Variants in IMMP2L observed in about 807,000 individuals in gnomAD.
The protein encoded by IMMP2L is inner mitochondrial membrane peptidase subunit 2.
IMMP2L carries 18 observed loss-of-function variants against 19.3 expected under a neutral mutation model. The ratio of observed to expected loss-of-function variants is 0.93; its 90% CI spans 0.64 to 1.38. The LOEUF (loss-of-function observed/expected upper bound fraction) is 1.38. Ranked by LOEUF, IMMP2L falls within the 40% of genes most tolerant of loss-of-function variation. The probability of loss-of-function intolerance (pLI) is 0.00; values close to 1 mark genes in which losing one functional copy is unlikely to be tolerated. For synonymous variants in IMMP2L, 76 were observed against 73.0 expected (o/e 1.04, Z -0.21); for missense variants, 233 against 218.2 (o/e 1.07, Z -0.43).
rs552653605 is a variant in IMMP2L, at chr7:110,997,360, A to G, written c.240-33795T>C. Among the ~76,000 whole-genome samples, 3 of 152,194 alleles carry G rather than the reference A, an allele frequency of 2.0e-5. No individual in the cohort carries two copies. The East Asian group carries it at 5.8e-4, about 29-fold the overall frequency. ...ACACATAAAGATGCTGTAGACATCA[A>G]TATTCAGATGTTTGTATCAATGTAA... is the stretch of plus-strand genomic sequence containing the variant. On this transcript the variant is annotated intron_variant, in intron 3 of 5. Coordinates refer to ENST00000405709, the MANE Select transcript of IMMP2L (RefSeq NM_032549.4).
At chr7:111,223,858 T>C (rs537987702) in intron 3 of IMMP2L, among the ~76,000 whole-genome samples, 1 of 152,158 alleles carries the variant, frequency 6.6e-6, no homozygotes, top group Admixed American at 6.6e-5. Context: ...TATGTGTAGC[T>C]TCCATTTCTT....
chr7:111,340,608 A>G (rs1237513207), intron 3 of IMMP2L, among the ~76,000 whole-genome samples: 1 of 152,054 alleles, frequency 6.6e-6, no homozygotes, highest in Non-Finnish European at 1.5e-5. Context: ...CCACTCCTAG[A>G]TTTATACCAA....
chr7:111,113,185 G>A (rs1799447255), intron 3 of IMMP2L, among the ~76,000 whole-genome samples: 1 of 152,052 alleles, frequency 6.6e-6, no homozygotes, highest in Non-Finnish European at 1.5e-5. Context: ...TCTATACTAG[G>A]TCATTGGACT....
Position 111,380,421 on chromosome 7 carries a change from T to C in IMMP2L, c.239+106817A>G, listed in dbSNP as rs530371704. Among the ~76,000 whole-genome samples, 18 of 152,118 alleles carry C rather than the reference T, an allele frequency of 1.2e-4. 1 individual carries two copies. The highest frequency in any genetic ancestry group is 3.4e-3 in the Middle Eastern group (1 of 294). Reference sequence around the variant, plus strand: ...ACTGATAACAACACTCAGAATGCAATAGAAGCAAAACTATTCACCTAAATG... The same window carrying C: ...ACTGATAACAACACTCAGAATGCAACAGAAGCAAAACTATTCACCTAAATG... On this transcript the variant is annotated intron_variant, in intron 3 of 5. Transcript: ENST00000405709.
intron 3 of IMMP2L, among the ~76,000 whole-genome samples, chr7:111,164,345 A>G (rs905178230): frequency 6.6e-6 from 1 of 151,642 alleles, no homozygotes; most frequent in African/African-American, 2.4e-5. Context: ...AGCTAGAAAG[A>G]CAAGTAAGCA....
chr7:110,792,303 T>C (rs926507990), intron 5 of IMMP2L, among the ~76,000 whole-genome samples: 6 of 151,766 alleles, frequency 4.0e-5, no homozygotes, highest in Non-Finnish European at 8.8e-5. Context: ...GAAATAAATG[T>C]GAAAGGACTG....
At chr7:111,057,926 T>A (rs2129574161) in intron 3 of IMMP2L, among the ~76,000 whole-genome samples, 1 of 152,328 alleles carries the variant, frequency 6.6e-6, no homozygotes, top group East Asian at 1.9e-4. Context: ...TATACATACC[T>A]GCACATATAT....
intron 2 of IMMP2L, among the ~76,000 whole-genome samples, chr7:111,509,205 T>C (rs1410600272): frequency 6.6e-6 from 1 of 152,090 alleles, no homozygotes; most frequent in Non-Finnish European, 1.5e-5. Context: ...TAATGCAGAT[T>C]CCAAGGTCCT....
chr7:110,912,477 A>G (rs1813156924), intron 4 of IMMP2L, among the ~76,000 whole-genome samples: 1 of 152,112 alleles, frequency 6.6e-6, no homozygotes, highest in African/African-American at 2.4e-5. Context: ...TAACACATTA[A>G]AGAAAATCCA....
Position 111,439,312 on chromosome 7 carries a change from T to C in IMMP2L, c.239+47926A>G, listed in dbSNP as rs972330577. Among the ~76,000 whole-genome samples the C allele has an allele frequency of 8.6e-5, 13 of 151,760 alleles. No homozygotes were observed. In the East Asian group the frequency reaches 2.5e-3, roughly 29 times the overall value. On this transcript the variant is annotated intron_variant, in intron 3 of 5. Transcript: ENST00000405709. Reference sequence around the variant, plus strand: ...TCAAGCTTCCCCTCCAGTGCTCTCATACCTTCTCAAAGCTGCAATTCTAGT... The same window carrying C: ...TCAAGCTTCCCCTCCAGTGCTCTCACACCTTCTCAAAGCTGCAATTCTAGT...
intron 5 of IMMP2L, among the ~76,000 whole-genome samples, chr7:110,732,925 A>G (rs954840907): frequency 1.3e-5 from 2 of 151,994 alleles, no homozygotes; most frequent in African/African-American, 4.8e-5. Flanking sequence ...AGCTAGGACT[A>G]TAGGCACCTA....
intron 3 of IMMP2L, among the ~76,000 whole-genome samples, chr7:111,300,390 A>G (rs529900099): frequency 6.6e-6 from 1 of 152,050 alleles, no homozygotes; most frequent in Non-Finnish European, 1.5e-5. Context: ...CTTTAATTAA[A>G]TTTTTTTTAT....
intron 3 of IMMP2L, among the ~76,000 whole-genome samples, chr7:111,101,748 G>T (rs569158005): frequency 2.0e-5 from 3 of 151,466 alleles, no homozygotes; most frequent in Non-Finnish European, 4.4e-5. Flanking sequence ...GATTTTAAGG[G>T]ACCTGACTGG....
intron 3 of IMMP2L, among the ~76,000 whole-genome samples, chr7:110,970,422 G>A (rs945957998): frequency 6.6e-6 from 1 of 151,868 alleles, no homozygotes; most frequent in African/African-American, 2.4e-5. Context: ...TATGTAAAAT[G>A]TGTGTGTGTG....
At chr7:111,132,627 T>C (rs1193786135) in intron 3 of IMMP2L, among the ~76,000 whole-genome samples, 3 of 152,026 alleles carry the variant, frequency 2.0e-5, no homozygotes, top group Non-Finnish European at 2.9e-5. Flanking sequence ...AAATCTTGGG[T>C]TCTTAGGAGT....
intron 4 of IMMP2L, among the ~76,000 whole-genome samples, chr7:110,935,618 C>T (rs977389000): frequency 1.4e-4 from 22 of 152,004 alleles, no homozygotes; most frequent in Non-Finnish European, 2.8e-4. Flanking sequence ...ATTCTCCCCA[C>T]CACTTTCAGG....
intron 3 of IMMP2L, among the ~76,000 whole-genome samples, chr7:111,204,001 T>C (rs1165590844): frequency 6.6e-6 from 1 of 152,142 alleles, no homozygotes. Context: ...CACAAATCAC[T>C]TATACTTTTA....
intron 3 of IMMP2L, among the ~76,000 whole-genome samples, chr7:110,972,346 AC>A (rs911014390): frequency 6.6e-6 from 1 of 152,102 alleles, no homozygotes; most frequent in Non-Finnish European, 1.5e-5. Flanking sequence ...TATTGCAATA[AC>A]TTGTACTATG....
intron 5 of IMMP2L, among the ~76,000 whole-genome samples, chr7:110,866,041 C>G (rs10235831): frequency 0.039 from 5,915 of 152,020 alleles, 372 homozygotes; most frequent in African/African-American, 0.13. Flanking sequence ...TTCTGTCTAG[C>G]AAACAGATTT....
Sources: gnomAD v4.1 joint callset for allele counts (sites outside exome capture counted in the v4.1 genomes callset) on GRCh38, gnomAD v4.1.1 for gene constraint, MANE v1.5 for transcripts, NCBI Gene and HGNC (gene_info 2026-07-23, HGNC 2026-07-21) for gene names.